Variants in SEMA5A observed in about 807,000 individuals in gnomAD.
The protein encoded by SEMA5A is semaphorin-5A.
A neutral mutation model predicts 135.5 loss-of-function variants in SEMA5A; 55 were observed. That is an observed-to-expected ratio of 0.41 (90% confidence interval 0.33 to 0.51). The LOEUF (loss-of-function observed/expected upper bound fraction) is 0.51. SEMA5A is among the 20% of genes least tolerant of loss of function. The pLI is 0.37. For synonymous variants in SEMA5A, 580 were observed against 546.5 expected, an observed-to-expected ratio of 1.06 and a Z score of -0.85; for missense variants, 1,290 against 1,419.9, an observed-to-expected ratio of 0.91 and a Z score of 1.47.
intron 5 of SEMA5A, among the ~76,000 whole-genome samples, chr5:9,284,488 G>C (rs1010710701): frequency 6.6e-6 from 1 of 152,174 alleles, no homozygotes; most frequent in Non-Finnish European, 1.5e-5. Flanking sequence ...AGTTAACAAT[G>C]AGCCAGCATA....
chr5:9,379,638 A>C (rs919947809), intron 3 of SEMA5A, among the ~76,000 whole-genome samples, 185 bp downstream of exon 3: 1 of 152,188 alleles, frequency 6.6e-6, no homozygotes, highest in African/African-American at 2.4e-5. Context: ...TGAGGTGGTA[A>C]TCAGTTTCTG....
At chr5:9,197,455 G>A (rs1175315110) in intron 9 of SEMA5A, 152 bp from the exon 10 acceptor site, 11 of 904,816 alleles carry the variant, frequency 1.2e-5, no homozygotes, top group Admixed American at 5.7e-5. Flanking sequence ...AAGTCAGAGC[G>A]TGAATGGGGC....
At chr5:9,357,660 G>A (rs948782453) in intron 3 of SEMA5A, among the ~76,000 whole-genome samples, 2 of 152,192 alleles carry the variant, frequency 1.3e-5, no homozygotes, top group Admixed American at 1.3e-4. Flanking sequence ...AGTGCCAAGA[G>A]AGGGTTGGAG....
chr5:9,427,084 G>A (rs147169838), intron 2 of SEMA5A, among the ~76,000 whole-genome samples: 148 of 152,270 alleles, frequency 9.7e-4, no homozygotes, highest in African/African-American at 3.1e-3. Flanking sequence ...AGGCTGAGGC[G>A]GGTGTATCAT....
chr5:9,521,955 A>T (rs1736857594), intron 1 of SEMA5A, among the ~76,000 whole-genome samples: 1 of 152,074 alleles, frequency 6.6e-6, no homozygotes. Context: ...CCCTCTCTTT[A>T]GGGGTCCAGG....
intron 1 of SEMA5A, among the ~76,000 whole-genome samples, chr5:9,480,827 A>G (rs1759848126): frequency 6.6e-6 from 1 of 152,180 alleles, no homozygotes; most frequent in Admixed American, 6.5e-5. Flanking sequence ...ACAGGGATGA[A>G]TTATATCAGG....
chr5:9,279,530 A>G (rs1750435885), intron 5 of SEMA5A, among the ~76,000 whole-genome samples: 2 of 152,032 alleles, frequency 1.3e-5, no homozygotes, highest in African/African-American at 2.4e-5. Flanking sequence ...AGGACATAAG[A>G]TTTGGGAGGG....
At chr5:9,485,103 A>T (rs1400807903) in intron 1 of SEMA5A, among the ~76,000 whole-genome samples, 2 of 152,158 alleles carry the variant, frequency 1.3e-5, no homozygotes, top group African/African-American at 2.4e-5. Context: ...CTGAAGTTTA[A>T]ATTTAACTAA....
At chr5:9,493,646 T>C (rs1289951312) in intron 1 of SEMA5A, among the ~76,000 whole-genome samples, 5 of 152,206 alleles carry the variant, frequency 3.3e-5, no homozygotes, top group African/African-American at 7.2e-5. Context: ...ACTACTAATA[T>C]GTGAAGTCAA....
rs181508665 is a variant in SEMA5A at position 9,197,340 on chromosome 5, G to A, written c.933-37C>T. On this transcript the variant is annotated intron_variant, in intron 9 of 22. Transcript: ENST00000382496. ...GGGAGAGAGAGAAGGCAGTCAGAGA[G>A]CTCGGCAGCACCTGCTGACCTCCCC... is the stretch of plus-strand genomic sequence containing the variant. 92 of 1,601,832 alleles carry A rather than the reference G, an allele frequency of 5.7e-5. 1 individual carries two copies. The South Asian group carries it at 8.0e-4, about 14-fold the overall frequency.
intron 5 of SEMA5A, among the ~76,000 whole-genome samples, chr5:9,296,926 T>C (rs1028747945): frequency 2.1e-5 from 3 of 141,796 alleles, no homozygotes; most frequent in Admixed American, 7.0e-5. Flanking sequence ...AAAAAAGATA[T>C]AAAAACATTT....
At chr5:9,401,851 C>T (rs898755560) in intron 2 of SEMA5A, among the ~76,000 whole-genome samples, 1 of 152,076 alleles carries the variant, frequency 6.6e-6, no homozygotes, top group Non-Finnish European at 1.5e-5. Flanking sequence ...GTCACCATTC[C>T]CTCCATATCA....
At chr5:9,121,873 C>T (rs1740830921) in intron 14 of SEMA5A, among the ~76,000 whole-genome samples, 1 of 152,132 alleles carries the variant, frequency 6.6e-6, no homozygotes, top group South Asian at 2.1e-4. Context: ...AATTTGATCA[C>T]CCAATCTGAT....
At chr5:9,297,439 A>G (rs1751395026) in intron 5 of SEMA5A, among the ~76,000 whole-genome samples, 1 of 152,072 alleles carries the variant, frequency 6.6e-6, no homozygotes, top group Admixed American at 6.6e-5. Context: ...GAATCAGAGA[A>G]CTCAGTCAGT....
At chr5:9,403,762 TA>T (rs1482248526) in intron 2 of SEMA5A, among the ~76,000 whole-genome samples, 1 of 152,086 alleles carries the variant, frequency 6.6e-6, no homozygotes, top group Non-Finnish European at 1.5e-5. Context: ...AAGAACTTAT[TA>T]AAATAGGAGG....
chr5:9,464,841 C>A (rs1476619355), intron 1 of SEMA5A, among the ~76,000 whole-genome samples: 2 of 152,224 alleles, frequency 1.3e-5, no homozygotes, highest in Non-Finnish European at 2.9e-5. Flanking sequence ...GCACTCAGGT[C>A]TCTTTTGGAG....
At chr5:9,051,755 T>C in intron 20 of SEMA5A, 118 bp downstream of exon 20, 1 of 1,260,764 alleles carries the variant, frequency 7.9e-7, no homozygotes, top group East Asian at 2.4e-5. Flanking sequence ...ACCATGGGGC[T>C]TGATGGAATC....
intron 11 of SEMA5A, among the ~76,000 whole-genome samples, chr5:9,159,122 A>G (rs1410924607): frequency 6.6e-6 from 1 of 152,230 alleles, no homozygotes; most frequent in Non-Finnish European, 1.5e-5. Flanking sequence ...TAGTGAAGAT[A>G]TGTTGGATAT....
intron 2 of SEMA5A, among the ~76,000 whole-genome samples, chr5:9,425,327 C>A (rs546739744): frequency 6.6e-6 from 1 of 152,208 alleles, no homozygotes; most frequent in African/African-American, 2.4e-5. Flanking sequence ...GTCTTGCTTA[C>A]GTGCATATCG....
Sources: allele counts gnomAD v4.1 joint callset (sites outside exome capture counted in the v4.1 genomes callset), GRCh38; gene constraint gnomAD v4.1.1; transcripts MANE v1.5; gene names NCBI Gene and HGNC (gene_info 2026-07-23, HGNC 2026-07-21).